IRAK1BP1: variants seen among roughly 807,000 people sequenced by gnomAD.
IRAK1BP1 encodes interleukin-1 receptor-associated kinase 1-binding protein 1.
In IRAK1BP1, 24 loss-of-function variants were observed where a neutral mutation model predicts 28.0. The observed-to-expected ratio is 0.86, with a 90% confidence interval of 0.62 to 1.20. The LOEUF is 1.20. IRAK1BP1 is among the 50% of genes most tolerant of loss of function. The probability of loss-of-function intolerance (pLI) is 0.00; values close to 1 mark genes in which losing one functional copy is unlikely to be tolerated. For synonymous variants in IRAK1BP1, 131 were observed against 116.3 expected (o/e 1.13, Z -0.81); for missense variants, 336 against 316.7 (o/e 1.06, Z -0.46).
At chr6:78,943,611 T>A (rs961157786) in intron 4 of IRAK1BP1, among the ~76,000 whole-genome samples, 4 of 152,216 alleles carry the variant, frequency 2.6e-5, no homozygotes, top group Non-Finnish European at 5.9e-5. Context: ...TCTTTGGAGA[T>A]ACAGACATGT....
chr6:78,960,905 A>G, the IRAK1BP1 span, among the ~76,000 whole-genome samples: 1 of 152,194 alleles, frequency 6.6e-6, no homozygotes, highest in Non-Finnish European at 1.5e-5. Context: ...TGTTAAAAAG[A>G]AGAATAACGG....
intron 4 of IRAK1BP1, among the ~76,000 whole-genome samples, chr6:78,923,256 G>C (rs1382748168): frequency 6.6e-6 from 1 of 151,360 alleles, no homozygotes; most frequent in African/African-American, 2.4e-5. Flanking sequence ...AAAAAAAAAA[G>C]GGCAGGGGTT....
intron 4 of IRAK1BP1, among the ~76,000 whole-genome samples, chr6:78,914,497 C>T (rs888839539): frequency 4.6e-5 from 7 of 152,200 alleles, no homozygotes; most frequent in South Asian, 4.1e-4. Flanking sequence ...CAAAGCATTA[C>T]GCAGTTGTAA....
At chr6:78,972,572 A>C in the IRAK1BP1 span, among the ~76,000 whole-genome samples, 1 of 152,182 alleles carries the variant, frequency 6.6e-6, no homozygotes, top group Admixed American at 6.5e-5. Context: ...AGACGATCAA[A>C]TTACTCTGAG....
At chr6:78,946,796 G>C (rs768363637), downstream of IRAK1BP1, 2 of 1,591,784 alleles carry the variant, frequency 1.3e-6, no homozygotes, top group South Asian at 1.1e-5. Flanking sequence ...TGAAAACGAA[G>C]AGCAGATTTA....
At chr6:78,903,383 C>T (rs377764549), downstream of IRAK1BP1, among the ~76,000 whole-genome samples, 3 of 151,878 alleles carry the variant, frequency 2.0e-5, no homozygotes, top group Admixed American at 1.3e-4. Flanking sequence ...CCCAGCTACT[C>T]GGGAGGCTGA....
chr6:78,978,846 G>T, the IRAK1BP1 span: 1 of 586,606 alleles, frequency 1.7e-6, no homozygotes, highest in Non-Finnish European at 2.6e-6. Context: ...TATACAGTTG[G>T]CCCTGTGTAT....
rs1293102723 is a variant in IRAK1BP1 at position 78,910,191 on chromosome 6, G to A, written c.*67+7081G>A. Among the ~76,000 whole-genome samples, 4 of 152,276 alleles carry A rather than the reference G, an allele frequency of 2.6e-5. No individual in the cohort carries two copies. The East Asian group carries it at 7.7e-4, about 29-fold the overall frequency. On this transcript the variant is annotated intron_variant and NMD_transcript_variant, in intron 4 of 4. Transcript: ENST00000606868. ...ACAGGGGATGAGGGAATGCCTGCTC[G>A]GGGAGGGGAAAAGGGGACTGGACGG...
chr6:78,889,171 T>G (rs1054936905), intron 2 of IRAK1BP1, among the ~76,000 whole-genome samples: 1 of 151,638 alleles, frequency 6.6e-6, no homozygotes, highest in Non-Finnish European at 1.5e-5. Flanking sequence ...ACATTACTTT[T>G]GACATAATGT....
chr6:78,902,064 A>G lies in IRAK1BP1; in HGVS notation c.*3730A>G, dbSNP rs1562090801. ...AAATGCTTTATTTATTCCAACAAAA[A>G]AAGACCTATATAAATTAGTTTAAGC... On this transcript the variant is annotated 3_prime_UTR_variant, in exon 4 of 4. Transcript: ENST00000369940. 1 of 152,244 alleles carries G rather than the reference A, an allele frequency of 6.6e-6. No homozygotes were observed. Among genetic ancestry groups the G allele is most frequent in the Admixed American group, 6.5e-5 (1 of 15,286 alleles). The allele number at this position is 152,244 out of a possible 1,614,324, so 9.4% of individuals were successfully genotyped here.
chr6:78,889,572 C>CA (rs34963207), intron 2 of IRAK1BP1, among the ~76,000 whole-genome samples: 47,138 of 116,768 alleles, frequency 0.4, 8,872 homozygotes, highest in East Asian at 0.69. Flanking sequence ...CTGAAATTTA[C>CA]AAAAAAAAAA....
chr6:78,941,876 C>T (rs1383736822), intron 4 of IRAK1BP1, among the ~76,000 whole-genome samples: 1 of 152,002 alleles, frequency 6.6e-6, no homozygotes, highest in East Asian at 1.9e-4. Context: ...TGATAAAAGG[C>T]CATTATGCTT....
At chr6:78,961,145 T>A in the IRAK1BP1 span, among the ~76,000 whole-genome samples, 1 of 152,122 alleles carries the variant, frequency 6.6e-6, no homozygotes, top group Admixed American at 6.5e-5. Flanking sequence ...TGCAAATTAA[T>A]TGAAATTATG....
intron 2 of IRAK1BP1, among the ~76,000 whole-genome samples, chr6:78,897,355 C>T (rs1345520807): frequency 6.6e-6 from 1 of 151,016 alleles, no homozygotes; most frequent in Non-Finnish European, 1.5e-5. Flanking sequence ...ACTGCTTCCA[C>T]ATATTTAAAG....
intron 1 of IRAK1BP1, among the ~76,000 whole-genome samples, chr6:78,873,366 C>T (rs560205294): frequency 1.4e-5 from 2 of 146,654 alleles, no homozygotes; most frequent in South Asian, 4.5e-4. Context: ...ATTGAACTTT[C>T]AAAATCTTAA....
chr6:78,922,764 A>G (rs1772774594), intron 4 of IRAK1BP1, among the ~76,000 whole-genome samples: 1 of 152,218 alleles, frequency 6.6e-6, no homozygotes, highest in Non-Finnish European at 1.5e-5. Context: ...GTGGGGGCCA[A>G]TATTCAACAT....
Position 78,867,624 on chromosome 6 carries a change from T to A in IRAK1BP1, c.48T>A (p.Val16=). The change falls in exon 1 of 4, where the codon GTT becomes GTA. Residue 16 remains valine, a synonymous_variant. Transcript: ENST00000369940. ...CGACCCGAGTGTTCGTGGAACTGGT[T>A]CCCTGGGCTGACCGGAGCCGGGAGA... ...TPPTRVFVEL[V]PWADRSRENN... 6.2e-7 allele frequency: 1 copy of A among 1,614,168 alleles called. No homozygotes were observed.
At chr6:78,906,650 G>C (rs899014886), downstream of IRAK1BP1, among the ~76,000 whole-genome samples, 2 of 152,096 alleles carry the variant, frequency 1.3e-5, no homozygotes, top group Non-Finnish European at 2.9e-5. Context: ...AAAATGATTA[G>C]GGAGGATGAT....
In IRAK1BP1 at chr6:78,900,860, G is replaced by A. The variant is rs1772070251; in HGVS notation, c.*2526G>A. The A allele has an allele frequency of 6.6e-6, 1 of 152,134 alleles. No individual in the cohort carries two copies. The highest frequency in any genetic ancestry group is 1.9e-4 in the East Asian group (1 of 5,196). The allele number at this position is 152,134 out of a possible 1,614,324, so 9.4% of individuals were successfully genotyped here. A position where few individuals can be genotyped will look rare whatever the true frequency, so the allele number is the denominator to read the frequency against. ...GAAAATAGTAGCTGATATATCAGCTGCATTGTTTGATTATTGTTGGCTCAA... is the reference window on the plus strand; with the variant it reads ...GAAAATAGTAGCTGATATATCAGCTACATTGTTTGATTATTGTTGGCTCAA... On this transcript the variant is annotated 3_prime_UTR_variant, in exon 4 of 4. Coordinates refer to ENST00000369940, the MANE Select transcript of IRAK1BP1 (RefSeq NM_001010844.4).
Sources: gnomAD v4.1 joint callset for allele counts (sites outside exome capture counted in the v4.1 genomes callset) on GRCh38, gnomAD v4.1.1 for gene constraint, MANE v1.5 for transcripts, NCBI Gene and HGNC (gene_info 2026-07-23, HGNC 2026-07-21) for gene names.